Variants in PRH1 observed in about 807,000 individuals in gnomAD.
The protein encoded by PRH1 is salivary acidic proline-rich phosphoprotein 1/2.
Under a neutral mutation model 7.9 loss-of-function variants are expected in PRH1, and 7 were observed. The ratio of observed to expected loss-of-function variants is 0.89; its 90% CI spans 0.50 to 1.67. PRH1 has a LOEUF of 1.67. Ranked by LOEUF, PRH1 falls within the 40% of genes most tolerant of loss-of-function variation. The pLI, the probability that PRH1 is intolerant of heterozygous loss-of-function variation, is 0.00. For synonymous variants in PRH1, 45 were observed against 80.8 expected (o/e 0.56, Z 2.38); for missense variants, 109 against 223.6 (o/e 0.49, Z 3.27).
At chr12:10,967,709 T>C (rs1324036078) in intron 2 of PRH1, among the ~76,000 whole-genome samples, 1 of 152,238 alleles carries the variant, frequency 6.6e-6, no homozygotes, top group Non-Finnish European at 1.5e-5. Context: ...GGAAATTCAA[T>C]GAACAGCACT....
chr12:11,023,185 A>T (rs1466637283), intron 1 of PRH1, among the ~76,000 whole-genome samples: 1 of 152,296 alleles, frequency 6.6e-6, no homozygotes, highest in East Asian at 1.9e-4. Flanking sequence ...CTGGTTTCTG[A>T]TAACCAATAA....
At chr12:10,964,827 C>G (rs1390790647) in intron 2 of PRH1, 15 of 559,382 alleles carry the variant, frequency 2.7e-5, no homozygotes, top group South Asian at 2.4e-4. Context: ...ACAGTCATAT[C>G]TGAAAGGTGC....
chr12:11,110,831 A>C (rs1487606834), intron 1 of PRH1, among the ~76,000 whole-genome samples: 1 of 152,204 alleles, frequency 6.6e-6, no homozygotes, highest in Non-Finnish European at 1.5e-5. Flanking sequence ...AAATGGGAAA[A>C]ATACCCCAAT....
At chr12:10,898,346 T>C (rs1949678041) in intron 2 of PRH1, among the ~76,000 whole-genome samples, 1 of 152,146 alleles carries the variant, frequency 6.6e-6, no homozygotes, top group Admixed American at 6.5e-5. Flanking sequence ...ACACCCTAGG[T>C]AAATTCACAA....
At chr12:10,944,938 T>C (rs568761277) in intron 2 of PRH1, among the ~76,000 whole-genome samples, 6 of 152,164 alleles carry the variant, frequency 3.9e-5, no homozygotes, top group Non-Finnish European at 1.5e-5. Context: ...AGCTTTTTGA[T>C]GGGCTTGTGG....
intron 1 of PRH1, among the ~76,000 whole-genome samples, chr12:11,170,665 A>C (rs1224943942): frequency 6.6e-6 from 1 of 152,244 alleles, no homozygotes; most frequent in Non-Finnish European, 1.5e-5. Flanking sequence ...TCCACAGCTA[A>C]TCTGAACTTT....
intron 2 of PRH1, among the ~76,000 whole-genome samples, chr12:10,961,721 G>C (rs1938242698): frequency 6.6e-6 from 1 of 152,214 alleles, no homozygotes; most frequent in Admixed American, 6.5e-5. Context: ...CAGAACAGCA[G>C]AGATGGTAGT....
intron 2 of PRH1, chr12:10,930,520 G>A: frequency 2.7e-6 from 4 of 1,489,228 alleles, no homozygotes; most frequent in Non-Finnish European, 3.6e-6. Flanking sequence ...GTTCTAATTA[G>A]GAAGCCTTGG....
At chr12:10,927,936 C>T (rs1950145833) in intron 2 of PRH1, among the ~76,000 whole-genome samples, 2 of 152,128 alleles carry the variant, frequency 1.3e-5, no homozygotes, top group South Asian at 2.1e-4. Context: ...AAGAGGAGTA[C>T]CAATCCAGGA....
intron 2 of PRH1, among the ~76,000 whole-genome samples, chr12:10,898,747 G>A (rs1440952115): frequency 1.3e-5 from 2 of 152,186 alleles, no homozygotes; most frequent in East Asian, 3.8e-4. Context: ...CATTGAGAAG[G>A]TGATGTCTGA....
chr12:10,938,323 T>C, intron 2 of PRH1: 2 of 1,614,058 alleles, frequency 1.2e-6, no homozygotes, highest in Non-Finnish European at 1.7e-6. Flanking sequence ...TCAGCCACAG[T>C]AGCACTGACA....
chr12:10,972,364 T>C (rs10845261), intron 2 of PRH1, among the ~76,000 whole-genome samples: 36,985 of 152,042 alleles, frequency 0.24, 4,545 homozygotes, highest in Non-Finnish European at 0.25. Context: ...TTAAATTCAG[T>C]TGTGTGACCA....
At chr12:11,159,446 T>C (rs1251011140) in intron 1 of PRH1, 1 of 149,688 alleles carries the variant, frequency 6.7e-6, no homozygotes, top group Admixed American at 6.7e-5. Context: ...TAGTAAACAG[T>C]TTTACTAGTT....
chr12:10,945,999 C>T (rs1190285758), intron 2 of PRH1, among the ~76,000 whole-genome samples: 1 of 152,126 alleles, frequency 6.6e-6, no homozygotes, highest in Non-Finnish European at 1.5e-5. Context: ...TGCTGTTATC[C>T]TGTTCTTTTT....
chr12:11,069,053 G>A (rs1233168358), intron 1 of PRH1, among the ~76,000 whole-genome samples: 2 of 151,712 alleles, frequency 1.3e-5, no homozygotes, highest in African/African-American at 2.4e-5. Flanking sequence ...AGGTAGCTAG[G>A]ACTGCAGGTG....
At chr12:10,922,319 T>G (rs901107978) in intron 2 of PRH1, among the ~76,000 whole-genome samples, 2 of 152,224 alleles carry the variant, frequency 1.3e-5, no homozygotes, top group Non-Finnish European at 2.9e-5. Flanking sequence ...TGGATATGGA[T>G]TCTTAGCTTT....
chr12:11,071,691 G>T lies in PRH1; in HGVS notation n.124-24503C>A, dbSNP rs146341122. Among the ~76,000 whole-genome samples, 3 of 150,398 alleles carry T rather than the reference G, an allele frequency of 2.0e-5. No homozygotes were observed. The Admixed American group carries it at 2.0e-4, about 10-fold the overall frequency. ...GCCAAGAAGGCCAGCAAGTTGGGGC[G>T]GCAGCTGACAGCACTCTTCCTTAGA... On this transcript the variant is annotated intron_variant and non_coding_transcript_variant, in intron 1 of 4. Coordinates refer to the PRH1 transcript ENST00000541977.
chr12:11,168,299 A>AGAAG lies in PRH1; in HGVS notation n.39+3119_39+3122dup, dbSNP rs1411750333. On this transcript the variant is annotated intron_variant and non_coding_transcript_variant, in intron 1 of 1. Coordinates refer to the PRH1 transcript ENST00000541175. ...AAGAAAGAAAGAAAGAAAGAAAGAA[A>AGAAG]GAAGGAAGGAAGGAAGGAAGGAAGG... 9.0e-3 allele frequency among the ~76,000 whole-genome samples: 53 copies of AGAAG among 5,888 alleles called. 8 individuals are homozygous for AGAAG. Among genetic ancestry groups the AGAAG allele is most frequent in the Middle Eastern group, 0.071 (1 of 14 alleles). The allele number at this position is 5,888 out of a possible 152,430, so 3.9% of individuals were successfully genotyped here. A position where few individuals can be genotyped will look rare whatever the true frequency, so the allele number is the denominator to read the frequency against.
intron 1 of PRH1, among the ~76,000 whole-genome samples, chr12:10,992,439 G>A (rs372904129): frequency 1.3e-5 from 2 of 152,084 alleles, no homozygotes; most frequent in African/African-American, 2.4e-5. Context: ...GTCTTGTTTG[G>A]TTGCCCAGGC....
Sources: allele counts gnomAD v4.1 joint callset (sites outside exome capture counted in the v4.1 genomes callset), GRCh38; gene constraint gnomAD v4.1.1; transcripts MANE v1.5; gene names NCBI Gene and HGNC (gene_info 2026-07-23, HGNC 2026-07-21).